Variants in FIP1L1 observed in about 807,000 individuals in gnomAD.
FIP1L1 encodes factor interacting with PAPOLA and CPSF1.
In FIP1L1, 21 loss-of-function variants were observed where a neutral mutation model predicts 84.6. That is an observed-to-expected ratio of 0.25 (90% CI 0.18 to 0.36). The LOEUF (loss-of-function observed/expected upper bound fraction) is 0.36. Among genes scored for constraint, FIP1L1 ranks in the 10% least tolerant of loss-of-function variants. The pLI is 1.00. For missense variants in FIP1L1, 526 were observed against 751.1 expected (o/e 0.70, Z 3.50); for synonymous variants, 263 against 242.3 (o/e 1.09, Z -0.80).
Position 53,428,062 on chromosome 4 carries a change from C to T in FIP1L1, c.1053C>T (p.Asn351=). 6.2e-7 allele frequency: 1 copy of T among 1,610,206 alleles called. No homozygotes were observed. Among genetic ancestry groups the T allele is most frequent in the Non-Finnish European group, 8.5e-7 (1 of 1,177,278 alleles). ...AAAGATCTGCTACTGAAGTAGACAA[C>T]AATTTTAGCAAACCACCTCCGTTTT... is the stretch of plus-strand genomic sequence containing the variant. ...LSERSATEVD[N]NFSKPPPFFP... is the part of the protein sequence containing the mutation. Residue 351 remains asparagine (N), a synonymous_variant, in exon 13 of 18, where the codon AAC becomes AAT. Coordinates refer to ENST00000337488, the MANE Select transcript of FIP1L1 (RefSeq NM_030917.4).
rs926643535 is a variant in FIP1L1, at chr4:53,390,872, G to C, written c.506-137G>C. 15 of 746,400 alleles carry C rather than the reference G, an allele frequency of 2.0e-5. No homozygotes were observed. In the African/African-American group the frequency reaches 2.7e-4, roughly 14 times the overall value. The allele number at this position is 746,400 out of a possible 1,614,324, so 46.2% of individuals were successfully genotyped here. A position where few individuals can be genotyped will look rare whatever the true frequency, so the allele number is the denominator to read the frequency against. ...GAATAATTTGATCAAAAATGATATA[G>C]TCTTTTTGCCACCATAAATGATAGA... On this transcript the variant is annotated intron_variant, in intron 7 of 17. Transcript: ENST00000337488.
Position 53,390,574 on chromosome 4 carries a change from C to G in FIP1L1, c.451C>G (p.Pro151Ala). The change falls in exon 7 of 18, where the codon CCA becomes GCA. Residue 151 changes from proline (P) to alanine (A), a missense_variant. This residue lies in a region of FIP1L1 where 169 missense variants were observed against 206.9 expected (regional missense o/e 0.82). Transcript: ENST00000337488. ...LDAPGSINGVPLLEVDLDSFE... is the reference protein window; with the variant it reads ...LDAPGSINGVALLEVDLDSFE... ...TGCACCTGGAAGCATTAATGGAGTT[C>G]CACTCTTAGAGGTAGATTTGGATTC... 6.2e-7 allele frequency: 1 copy of G among 1,612,996 alleles called. No individual in the cohort carries two copies. The highest frequency in any genetic ancestry group is 1.3e-5 in the African/African-American group (1 of 74,928).
At chr4:53,459,277 C>CTT (rs3067115) in intron 17 of FIP1L1, 25 bp from the exon 18 acceptor site, 155,953 of 957,456 alleles carry the variant, frequency 0.16, 7,149 homozygotes, top group African/African-American at 0.27. Flanking sequence ...CAGAACACAC[C>CTT]TTTTTTTTTT....
chr4:53,381,800 C>T (rs1738204279), intron 3 of FIP1L1, among the ~76,000 whole-genome samples: 1 of 124,106 alleles, frequency 8.1e-6, no homozygotes, highest in South Asian at 2.6e-4. Flanking sequence ...CACGCTGTCG[C>T]CCAGGCTAGA....
At chr4:53,416,136 C>A (rs1482864523) in intron 11 of FIP1L1, among the ~76,000 whole-genome samples, 1 of 152,070 alleles carries the variant, frequency 6.6e-6, no homozygotes, top group Non-Finnish European at 1.5e-5. Flanking sequence ...TTCCATGGAA[C>A]CTAAAAGTTC....
chr4:53,413,516 T>C (rs979596816), intron 10 of FIP1L1, among the ~76,000 whole-genome samples: 8 of 151,936 alleles, frequency 5.3e-5, no homozygotes, highest in Non-Finnish European at 8.8e-5. Flanking sequence ...CTATTCCATA[T>C]TGCATCTCCT....
intron 15 of FIP1L1, among the ~76,000 whole-genome samples, chr4:53,445,979 G>A (rs1413027527): frequency 6.6e-6 from 1 of 152,172 alleles, no homozygotes; most frequent in Non-Finnish European, 1.5e-5. Context: ...TGGAGATGAA[G>A]AAAATTGAAT....
chr4:53,429,160 A>C (rs1180445446), intron 13 of FIP1L1, among the ~76,000 whole-genome samples: 2 of 152,158 alleles, frequency 1.3e-5, no homozygotes, highest in African/African-American at 4.8e-5. Flanking sequence ...TTTCATCTTC[A>C]GTGCCTTTGA....
intron 13 of FIP1L1, 139 bp downstream of exon 13, chr4:53,428,322 G>A (rs1765133633): frequency 2.7e-6 from 2 of 737,860 alleles, no homozygotes; most frequent in Non-Finnish European, 4.0e-6. Context: ...GATTCACACT[G>A]AAACAGATAT....
At chr4:53,445,104 G>A (rs1258964325) in intron 15 of FIP1L1, among the ~76,000 whole-genome samples, 1 of 152,160 alleles carries the variant, frequency 6.6e-6, no homozygotes, top group Non-Finnish European at 1.5e-5. Context: ...GAAGTGTGTT[G>A]TGGCTGGAAT....
At chr4:53,440,654 A>G (rs1415485985) in intron 13 of FIP1L1, 1 of 1,342,180 alleles carries the variant, frequency 7.5e-7, no homozygotes, top group Admixed American at 1.9e-5. Flanking sequence ...ATAAACATGA[A>G]ATTTCAAGCT....
intron 5 of FIP1L1, among the ~76,000 whole-genome samples, chr4:53,386,060 CAT>C (rs1740905958): frequency 7.2e-6 from 1 of 139,526 alleles, no homozygotes; most frequent in Admixed American, 7.1e-5. Flanking sequence ...TTTTGCGTAA[CAT>C]ACCTTTGTTA....
At chr4:53,395,868 G>A (rs1184345274) in intron 9 of FIP1L1, among the ~76,000 whole-genome samples, 1 of 151,290 alleles carries the variant, frequency 6.6e-6, no homozygotes, top group Non-Finnish European at 1.5e-5. Context: ...TCATCTTGTG[G>A]ATATAGATAT....
rs775635500 is a variant in FIP1L1 at position 53,382,274 on chromosome 4, G to A, written c.171-4G>A. ...ACATGTATACTTACTTTTGTTGTTTGTAGTGCTAATCCTCCATCTGGAATT... is the reference window on the plus strand; with the variant it reads ...ACATGTATACTTACTTTTGTTGTTTATAGTGCTAATCCTCCATCTGGAATT... On this transcript the variant is annotated splice_region_variant and splice_polypyrimidine_tract_variant and intron_variant, in intron 3 of 17. Coordinates refer to ENST00000337488, the MANE Select transcript of FIP1L1 (RefSeq NM_030917.4). 3 of 1,610,456 alleles carry A rather than the reference G, an allele frequency of 1.9e-6. No homozygotes were observed. The highest frequency in any genetic ancestry group is 2.2e-5 in the South Asian group (2 of 90,990).
At chr4:53,454,431 C>T (rs1717826752) in intron 16 of FIP1L1, among the ~76,000 whole-genome samples, 1 of 152,186 alleles carries the variant, frequency 6.6e-6, no homozygotes, top group Admixed American at 6.5e-5. Flanking sequence ...TTAACTGACA[C>T]TTGACTGTAT....
chr4:53,449,731 G>T (rs1775640034), intron 15 of FIP1L1, among the ~76,000 whole-genome samples: 1 of 152,088 alleles, frequency 6.6e-6, no homozygotes, highest in African/African-American at 2.4e-5. Context: ...TAAAAGGCAT[G>T]TGGCCTTGTA....
intron 1 of FIP1L1, 51 bp from the exon 2 acceptor site, chr4:53,379,011 TCCATAAAATAA>T: frequency 6.6e-7 from 1 of 1,520,478 alleles, no homozygotes; most frequent in Admixed American, 1.9e-5. Flanking sequence ...GATTTTTTTT[TCCATAAAATAA>T]GTATCTTGTT....
intron 16 of FIP1L1, among the ~76,000 whole-genome samples, chr4:53,457,755 A>G (rs1186955606): frequency 1.3e-5 from 2 of 152,182 alleles, no homozygotes; most frequent in Admixed American, 1.3e-4. Flanking sequence ...TAAGTTGTAG[A>G]AAGTGTTGAC....
At chr4:53,452,312 C>T (rs1481229531) in intron 15 of FIP1L1, among the ~76,000 whole-genome samples, 3 of 151,516 alleles carry the variant, frequency 2.0e-5, no homozygotes, top group Non-Finnish European at 4.4e-5. Flanking sequence ...AAATTTTTTT[C>T]TCAACACTTT....
Sources: gnomAD v4.1 joint callset for allele counts (sites outside exome capture counted in the v4.1 genomes callset) on GRCh38, gnomAD v4.1.1 for gene constraint, gnomAD v4.1.1 regional missense constraint, MANE v1.5 for transcripts, NCBI Gene and HGNC (gene_info 2026-07-23, HGNC 2026-07-21) for gene names.